Variants in WSCD2 observed in about 807,000 individuals in gnomAD.
The protein encoded by WSCD2 is sialate:O-sulfotransferase 2.
A neutral mutation model predicts 55.7 loss-of-function variants in WSCD2; 28 were observed. The ratio of observed to expected loss-of-function variants is 0.50; its 90% CI spans 0.37 to 0.69. The LOEUF (loss-of-function observed/expected upper bound fraction) is 0.69. Ranked by LOEUF, WSCD2 falls within the 30% of genes least tolerant of loss-of-function variation. The pLI, the probability that WSCD2 is intolerant of heterozygous loss-of-function variation, is 0.00. For synonymous variants in WSCD2, 301 were observed against 301.9 expected (o/e 1.00, Z 0.03); for missense variants, 616 against 762.1 (o/e 0.81, Z 2.26).
intron 1 of WSCD2, among the ~76,000 whole-genome samples, chr12:108,137,218 G>A (rs1294279328): frequency 6.6e-6 from 1 of 152,182 alleles, no homozygotes; most frequent in African/African-American, 2.4e-5. Context: ...GGAACAATTA[G>A]ATTAGTTTTA....
At chr12:108,178,571 A>G (rs1263242289) in intron 1 of WSCD2, among the ~76,000 whole-genome samples, 1 of 152,216 alleles carries the variant, frequency 6.6e-6, no homozygotes, top group African/African-American at 2.4e-5. Context: ...CTACATGCCA[A>G]CGGGGCTTCA....
At chr12:108,151,561 T>C (rs1878005220) in intron 1 of WSCD2, among the ~76,000 whole-genome samples, 1 of 152,140 alleles carries the variant, frequency 6.6e-6, no homozygotes, top group South Asian at 2.1e-4. Context: ...TTTGGGGAAA[T>C]TGATGTTCAG....
rs191085980 is a variant in WSCD2 at position 108,173,893 on chromosome 12, G to A, written c.-551-21389G>A. Among the ~76,000 whole-genome samples, 326 of 150,268 alleles carry A rather than the reference G, an allele frequency of 2.2e-3. 1 individual carries two copies. The highest frequency in any genetic ancestry group is 7.2e-3 in the African/African-American group (293 of 40,480). Reference sequence around the variant, plus strand: ...GGGGTTTGAATATCCTTGCCCTACCGGGTGATCTGGCATAAATTCACCTCT... The same window carrying A: ...GGGGTTTGAATATCCTTGCCCTACCAGGTGATCTGGCATAAATTCACCTCT... On this transcript the variant is annotated intron_variant, in intron 1 of 8. Coordinates refer to ENST00000547525, the MANE Select transcript of WSCD2 (RefSeq NM_014653.4).
intron 1 of WSCD2, among the ~76,000 whole-genome samples, chr12:108,161,557 C>G (rs1355327243): frequency 6.6e-6 from 1 of 152,198 alleles, no homozygotes; most frequent in Non-Finnish European, 1.5e-5. Context: ...GGAACAGATT[C>G]TCTCACAGCC....
chr12:108,196,250 G>T, intron 2 of WSCD2, 36 bp downstream of exon 2: 1 of 1,569,554 alleles, frequency 6.4e-7, no homozygotes, highest in South Asian at 1.2e-5. Context: ...TGAGGGGCTG[G>T]GGAGAAGGGA....
intron 8 of WSCD2, chr12:108,244,567 C>A: frequency 1.4e-6 from 1 of 702,864 alleles, no homozygotes; most frequent in Non-Finnish European, 2.6e-6. Context: ...TCGATTTGCA[C>A]AGCATCTGTA....
intron 2 of WSCD2, among the ~76,000 whole-genome samples, chr12:108,204,204 T>A (rs972743590): frequency 1.3e-5 from 2 of 152,130 alleles, no homozygotes; most frequent in Non-Finnish European, 2.9e-5. Flanking sequence ...GATAGTTTTG[T>A]CTCCTCTGTT....
intron 8 of WSCD2, among the ~76,000 whole-genome samples, chr12:108,243,423 G>C (rs1263205358): frequency 1.3e-5 from 2 of 152,112 alleles, no homozygotes; most frequent in Non-Finnish European, 2.9e-5. Flanking sequence ...ATTTTTAGTA[G>C]AGACAGGGTT....
At chr12:108,229,180 T>A (rs1212302640) in intron 6 of WSCD2, among the ~76,000 whole-genome samples, 3 of 152,208 alleles carry the variant, frequency 2.0e-5, no homozygotes, top group Admixed American at 2.0e-4. Context: ...GCCAAGAGCC[T>A]GGCCCACCAG....
At position 108,196,129 on chromosome 12, in the gene WSCD2, T is replaced by A. The variant is rs775168502; in HGVS notation, c.297T>A (p.Asn99Lys). 19 of 1,613,964 alleles carry A rather than the reference T, an allele frequency of 1.2e-5. No homozygotes were observed. In the South Asian group the frequency reaches 2.0e-4, roughly 17 times the overall value. The part of the protein sequence containing the change: ...YGPWFKGKDG[N>K]ERAKLGDYGG... ...CCTGGTTCAAGGGCAAGGATGGGAA[T>A]GAGAGAGCCAAGCTTGGCGACTACG... is the stretch of plus-strand genomic sequence containing the variant. The change falls in exon 2 of 9, where the codon AAT becomes AAA. Residue 99 changes from asparagine to lysine, a missense_variant. Asn to Lys is a moderately conservative substitution (Grantham distance 94). This residue lies in a region of WSCD2 where 374 missense variants were observed against 467.4 expected (regional missense o/e 0.80). Coordinates refer to ENST00000547525, the MANE Select transcript of WSCD2 (RefSeq NM_014653.4).
At chr12:108,220,073 G>A (rs1887313343) in intron 4 of WSCD2, among the ~76,000 whole-genome samples, 1 of 152,200 alleles carries the variant, frequency 6.6e-6, no homozygotes, top group African/African-American at 2.4e-5. Flanking sequence ...AAATGCTAAA[G>A]CCAGGGGTGG....
intron 8 of WSCD2, among the ~76,000 whole-genome samples, chr12:108,244,288 C>G (rs1889945642): frequency 6.6e-6 from 1 of 152,168 alleles, no homozygotes. Flanking sequence ...TTTTCTTCTT[C>G]TTCTTTCCAA....
chr12:108,223,039 C>G (rs1336245459), intron 4 of WSCD2, among the ~76,000 whole-genome samples: 1 of 152,240 alleles, frequency 6.6e-6, no homozygotes, highest in Non-Finnish European at 1.5e-5. Flanking sequence ...ATGCTGCGAT[C>G]TTGAGATGGA....
intron 4 of WSCD2, among the ~76,000 whole-genome samples, chr12:108,219,873 G>A (rs538298983): frequency 1.3e-5 from 2 of 152,334 alleles, no homozygotes; most frequent in Non-Finnish European, 2.9e-5. Context: ...CCTGGTGGCA[G>A]GTTAACAATT....
intron 1 of WSCD2, among the ~76,000 whole-genome samples, chr12:108,139,475 A>T (rs887134580): frequency 6.6e-6 from 1 of 152,176 alleles, no homozygotes; most frequent in African/African-American, 2.4e-5. Context: ...AGAGTAGTAC[A>T]TGCTGCAAAG....
intron 1 of WSCD2, among the ~76,000 whole-genome samples, chr12:108,134,885 C>T (rs1028970113): frequency 2.0e-5 from 3 of 152,168 alleles, no homozygotes; most frequent in African/African-American, 7.2e-5. Flanking sequence ...TGACACAGCT[C>T]AGAAGCCAGG....
At chr12:108,209,390 G>A (rs1885828159) in intron 3 of WSCD2, among the ~76,000 whole-genome samples, 1 of 152,090 alleles carries the variant, frequency 6.6e-6, no homozygotes, top group Non-Finnish European at 1.5e-5. Flanking sequence ...GAATAAAGAA[G>A]CTGGACTCTG....
At chr12:108,239,644 C>CT (rs1889551814) in intron 7 of WSCD2, among the ~76,000 whole-genome samples, 1 of 152,204 alleles carries the variant, frequency 6.6e-6, no homozygotes, top group Non-Finnish European at 1.5e-5. Context: ...GGGACGCTGA[C>CT]TCCCCACAAA....
intron 5 of WSCD2, among the ~76,000 whole-genome samples, 171 bp from the exon 6 acceptor site, chr12:108,226,819 G>A (rs906660160): frequency 4.6e-5 from 7 of 152,208 alleles, no homozygotes; most frequent in Non-Finnish European, 1.0e-4. Context: ...TGCACAGGTA[G>A]GGCAAAATCA....
Sources: allele counts gnomAD v4.1 joint callset (sites outside exome capture counted in the v4.1 genomes callset), GRCh38; gene constraint gnomAD v4.1.1; regional missense constraint gnomAD v4.1.1; transcripts MANE v1.5; gene names NCBI Gene and HGNC (gene_info 2026-07-23, HGNC 2026-07-21).